The following ASPG variants were observed in gnomAD, a reference collection of about 807,000 sequenced individuals.
ASPG encodes asparaginase.
Under a neutral mutation model 63.2 loss-of-function variants are expected in ASPG, and 53 were observed. That is an observed-to-expected ratio of 0.84 (90% CI 0.67 to 1.05). ASPG has a LOEUF of 1.05. Ranked by LOEUF, ASPG falls within the 50% of genes least tolerant of loss-of-function variation. The pLI is 0.00. For missense variants in ASPG, 741 were observed against 794.4 expected (o/e 0.93, Z 0.81); for synonymous variants, 370 against 355.0 (o/e 1.04, Z -0.48).
At chr14:104,108,425 G>C (rs1472735289) in intron 12 of ASPG, 1 of 985,336 alleles carries the variant, frequency 1.0e-6, no homozygotes, top group Non-Finnish European at 1.2e-6. Context: ...GCCCCCAACC[G>C]GTCTCCCAGC....
chr14:104,109,778 C>T lies in ASPG; in HGVS notation c.1520+463C>T, dbSNP rs764103935. On this transcript the variant is annotated intron_variant, in intron 13 of 15. Coordinates refer to ENST00000551177, the MANE Select transcript of ASPG (RefSeq NM_001080464.3). The surrounding 1 kb of genome is among the most constrained non-coding windows in gnomAD (Gnocchi z 4.8). ...GTCTCGTGAGCTCTGTTCTCCCCAG[C>T]GTGGTTCCTGTCCTGGGATAAACTG... Among the ~76,000 whole-genome samples, 6 of 151,948 alleles carry T rather than the reference C, an allele frequency of 3.9e-5. No homozygotes were observed. Among genetic ancestry groups the T allele is most frequent in the African/African-American group, 9.7e-5 (4 of 41,336 alleles).
At position 104,093,409 on chromosome 14, in the gene ASPG, A is replaced by G. The variant is rs1029314070; in HGVS notation, c.192-82A>G. The G allele has an allele frequency of 5.5e-6, 7 of 1,281,950 alleles. No individual in the cohort carries two copies. In the African/African-American group the frequency reaches 7.5e-5, roughly 14 times the overall value. The allele number at this position is 1,281,950 out of a possible 1,614,324, so 79.4% of individuals were successfully genotyped here. ...GGCCCCAGCTCTGCCAGAGGGGAAC[A>G]GAGCGGGTCAGGGCATTTAGAGCAG... On this transcript the variant is annotated intron_variant, in intron 2 of 15. Coordinates refer to ENST00000551177, the MANE Select transcript of ASPG (RefSeq NM_001080464.3).
At chr14:104,095,023 A>G (rs933946274) in intron 3 of ASPG, among the ~76,000 whole-genome samples, 12 of 152,268 alleles carry the variant, frequency 7.9e-5, no homozygotes, top group African/African-American at 2.9e-4. Flanking sequence ...CTGCATGGCC[A>G]GCTTCACTGC....
rs767282963 is a variant in ASPG at position 104,104,473 on chromosome 14, A to G, written c.923A>G (p.Tyr308Cys). 6.2e-7 allele frequency: 1 copy of G among 1,612,200 alleles called. No individual in the cohort carries two copies. The change falls in exon 8 of 16, where the codon TAT becomes TGT. Residue 308 changes from tyrosine (Y) to cysteine (C), a missense_variant. By Grantham distance (194) the Tyr-to-Cys change is radical. Coordinates refer to ENST00000551177, the MANE Select transcript of ASPG (RefSeq NM_001080464.3). ...CTCCAGGGGGCTGTGACCACAGACT[A>G]TGCAGCTGGCATGGTAGTGCCGGGA... Reference protein sequence around the residue: ...HCLQGAVTTDYAAGMAMAGAG... With the variant: ...HCLQGAVTTDCAAGMAMAGAG...
At chr14:104,090,233 C>T (rs942520838) in intron 1 of ASPG, among the ~76,000 whole-genome samples, 31 of 152,346 alleles carry the variant, frequency 2.0e-4, no homozygotes, top group South Asian at 1.7e-3. Flanking sequence ...CCCATATCCA[C>T]GCCTACCACT....
intron 1 of ASPG, 137 bp downstream of exon 1, chr14:104,085,989 C>T (rs1216484237): frequency 2.5e-6 from 2 of 804,418 alleles, no homozygotes; most frequent in African/African-American, 1.8e-5. Context: ...GGTCGCTCTC[C>T]TCCGGTTCCG....
intron 6 of ASPG, among the ~76,000 whole-genome samples, chr14:104,103,356 C>A (rs557272440): frequency 6.6e-6 from 1 of 152,396 alleles, no homozygotes; most frequent in African/African-American, 2.4e-5. Context: ...CCCGTGCACG[C>A]TGCGGAGCCT....
intron 15 of ASPG, 97 bp downstream of exon 15, chr14:104,112,097 C>T (rs1043364447): frequency 3.4e-6 from 4 of 1,192,252 alleles, no homozygotes; most frequent in African/African-American, 1.5e-5. Context: ...GGGAACAGAA[C>T]CGGAGGAGGC....
chr14:104,099,055 G>T, intron 6 of ASPG, 76 bp downstream of exon 6: 1 of 1,513,218 alleles, frequency 6.6e-7, no homozygotes. Flanking sequence ...GGGAGCTCGT[G>T]GCTGGGACTC....
intron 12 of ASPG, chr14:104,108,425 G>A (rs1472735289): frequency 6.1e-6 from 6 of 985,218 alleles, no homozygotes; most frequent in Admixed American, 6.1e-5. Flanking sequence ...GCCCCCAACC[G>A]GTCTCCCAGC....
chr14:104,112,713 G>C lies in ASPG; in HGVS notation c.*169G>C, dbSNP rs1380842677. ...TAAAGTCTCTGACATCCCCTCACCA[G>C]GTCTGTACAGCCTGGCTCTGAGAGG... On this transcript the variant is annotated 3_prime_UTR_variant, in exon 16 of 16. Coordinates refer to ENST00000551177, the MANE Select transcript of ASPG (RefSeq NM_001080464.3). 6.9e-7 allele frequency: 1 copy of C among 1,457,284 alleles called. No homozygotes were observed. Among genetic ancestry groups the C allele is most frequent in the African/African-American group, 1.4e-5 (1 of 71,292 alleles). The allele number at this position is 1,457,284 out of a possible 1,614,324, so 90.3% of individuals were successfully genotyped here. A position where few individuals can be genotyped will look rare whatever the true frequency, so the allele number is the denominator to read the frequency against.
intron 2 of ASPG, chr14:104,093,241 G>A (rs1308030174): frequency 3.5e-6 from 2 of 575,216 alleles, no homozygotes; most frequent in East Asian, 2.9e-5. Flanking sequence ...CCCCCTCTTC[G>A]AGCTGGTGTG....
intron 14 of ASPG, 24 bp downstream of exon 14, chr14:104,111,625 C>G: frequency 6.5e-7 from 1 of 1,543,114 alleles, no homozygotes; most frequent in African/African-American, 1.4e-5. Flanking sequence ...CCCCCTGCAC[C>G]CTCTCCAAAG....
At chr14:104,112,497 C>A (rs1566845153) in intron 15 of ASPG, 27 bp from the exon 16 acceptor site, 1 of 1,257,648 alleles carries the variant, frequency 8.0e-7, no homozygotes, top group Admixed American at 1.7e-5. Flanking sequence ...ACCTGGGTGT[C>A]CTTCTCAGGA....
chr14:104,090,790 A>T (rs2036344054), intron 1 of ASPG, among the ~76,000 whole-genome samples: 1 of 152,174 alleles, frequency 6.6e-6, no homozygotes, highest in Admixed American at 6.5e-5. Flanking sequence ...CTAATATCAC[A>T]TCCGTAAAGA....
At chr14:104,097,515 G>A in intron 4 of ASPG, 39 bp from the exon 5 acceptor site, 1 of 1,538,224 alleles carries the variant, frequency 6.5e-7, no homozygotes. Flanking sequence ...AGGCTTCTGG[G>A]CTTCCCAGGC....
At chr14:104,088,403 A>G (rs1324043504) in intron 1 of ASPG, among the ~76,000 whole-genome samples, 2 of 152,174 alleles carry the variant, frequency 1.3e-5, no homozygotes, top group African/African-American at 2.4e-5. Flanking sequence ...GTCAAGGGGC[A>G]TAGCGAATCC....
intron 14 of ASPG, 87 bp from the exon 15 acceptor site, chr14:104,111,833 G>C: frequency 1.5e-6 from 2 of 1,345,782 alleles, no homozygotes; most frequent in Non-Finnish European, 2.1e-6. Flanking sequence ...GCTGGGGACA[G>C]GGGAGGGCAT....
In ASPG at chr14:104,108,614, C is replaced by T. The variant is rs2037249683; in HGVS notation, c.1434-615C>T. ...AGCGATTATGGCACAGTCTTTAGGT[C>T]ACCCTGTACAATGGGCTGTGTGGCC... On this transcript the variant is annotated intron_variant, in intron 12 of 15. Coordinates refer to ENST00000551177, the MANE Select transcript of ASPG (RefSeq NM_001080464.3). The T allele has an allele frequency of 3.0e-6, 3 of 985,280 alleles. No homozygotes were observed. The South Asian group carries it at 1.4e-4, about 46-fold the overall frequency. 61.0% of individuals were successfully genotyped at this position (985,280 alleles called of 1,614,324 possible). A position where few individuals can be genotyped will look rare whatever the true frequency, so the allele number is the denominator to read the frequency against.
Sources: allele counts gnomAD v4.1 joint callset (sites outside exome capture counted in the v4.1 genomes callset), GRCh38; gene constraint gnomAD v4.1.1; non-coding constraint Gnocchi (gnomAD v3.1); transcripts MANE v1.5; gene names NCBI Gene and HGNC (gene_info 2026-07-23, HGNC 2026-07-21).